C9orf85: variants seen among roughly 807,000 people sequenced by gnomAD.
C9orf85 encodes uncharacterized protein C9orf85.
Under a neutral mutation model 14.9 loss-of-function variants are expected in C9orf85, and 16 were observed. The ratio of observed to expected loss-of-function variants is 1.08; its 90% CI spans 0.73 to 1.63. C9orf85 has a LOEUF of 1.63. Ranked by LOEUF, C9orf85 falls within the 40% of genes most tolerant of loss-of-function variation. The probability of loss-of-function intolerance (pLI) is 0.00; values close to 1 mark genes in which losing one functional copy is unlikely to be tolerated. For synonymous variants in C9orf85, 45 were observed against 56.8 expected (o/e 0.79, Z 0.93); for missense variants, 172 against 186.1 (o/e 0.92, Z 0.44).
At position 71,968,798 on chromosome 9, in the gene C9orf85, C is replaced by T. The variant is rs182722180; in HGVS notation, c.210-2707C>T. ...GAGGGGAAGGGGTTCTTATCCCTGA[C>T]GCAGGTAGCCTCTACTGCTGTGTCG... On this transcript the variant is annotated intron_variant, in intron 2 of 3. Transcript: ENST00000334731. Among the ~76,000 whole-genome samples the T allele has an allele frequency of 1.6e-4, 24 of 152,232 alleles. No homozygotes were observed. The East Asian group carries it at 2.5e-3, about 16-fold the overall frequency.
At chr9:71,923,646 A>G (rs1827866727) in intron 1 of C9orf85, among the ~76,000 whole-genome samples, 2 of 152,074 alleles carry the variant, frequency 1.3e-5, no homozygotes, top group Admixed American at 1.3e-4. Flanking sequence ...TCCCTTGTCC[A>G]TCTTTCCCTC....
intron 1 of C9orf85, among the ~76,000 whole-genome samples, chr9:71,916,016 T>G (rs1827641011): frequency 6.6e-6 from 1 of 152,194 alleles, no homozygotes; most frequent in South Asian, 2.1e-4. Context: ...AGTATAGGGT[T>G]GAGCAAAATA....
At chr9:71,953,993 G>A (rs200759275) in intron 2 of C9orf85, among the ~76,000 whole-genome samples, 30 of 152,070 alleles carry the variant, frequency 2.0e-4, no homozygotes, top group East Asian at 7.7e-4. Context: ...CTAGCTGCTC[G>A]GGAGACTGAG....
chr9:71,926,636 A>G (rs1427282144), intron 1 of C9orf85, among the ~76,000 whole-genome samples: 5 of 860 alleles, frequency 5.8e-3, no homozygotes, highest in African/African-American at 6.0e-3. Context: ...CTGCTGTTGA[A>G]AAAAAAAAAA....
chr9:71,934,152 T>C (rs1828134049), intron 1 of C9orf85, among the ~76,000 whole-genome samples: 3 of 151,562 alleles, frequency 2.0e-5, no homozygotes, highest in African/African-American at 7.3e-5. Flanking sequence ...GAGACCAGCC[T>C]GGCCAACATG....
At chr9:71,925,504 A>C (rs1000000863) in intron 1 of C9orf85, among the ~76,000 whole-genome samples, 1 of 152,218 alleles carries the variant, frequency 6.6e-6, no homozygotes, top group Non-Finnish European at 1.5e-5. Flanking sequence ...AAACTGAAGA[A>C]GGTTCTGTCG....
intron 2 of C9orf85, among the ~76,000 whole-genome samples, chr9:71,965,870 G>A (rs1787925994): frequency 6.6e-6 from 1 of 152,246 alleles, no homozygotes; most frequent in Non-Finnish European, 1.5e-5. Flanking sequence ...TTGTTTGAGT[G>A]ATTGTTTCTG....
intron 1 of C9orf85, among the ~76,000 whole-genome samples, chr9:71,939,104 T>C (rs1828268375): frequency 6.6e-6 from 1 of 151,758 alleles, no homozygotes; most frequent in African/African-American, 2.4e-5. Flanking sequence ...AATATTTATA[T>C]GTAAAGACTC....
chr9:71,984,930 A>T (rs1181626308), downstream of C9orf85: 1 of 152,222 alleles, frequency 6.6e-6, no homozygotes, highest in Non-Finnish European at 1.5e-5. Context: ...TGCCTTTGGG[A>T]GGTGGCTGGA....
intron 1 of C9orf85, among the ~76,000 whole-genome samples, chr9:71,929,030 T>TA (rs1828001739): frequency 6.6e-6 from 1 of 152,206 alleles, no homozygotes; most frequent in Non-Finnish European, 1.5e-5. Flanking sequence ...AATTCATTGT[T>TA]ACCATAAATA....
At chr9:71,915,644 A>C (rs1252562956) in intron 1 of C9orf85, among the ~76,000 whole-genome samples, 1 of 152,256 alleles carries the variant, frequency 6.6e-6, no homozygotes, top group Non-Finnish European at 1.5e-5. Flanking sequence ...GGTACTGTAT[A>C]AAAGTGAAAG....
At chr9:71,962,144 C>T (rs183329813) in intron 2 of C9orf85, among the ~76,000 whole-genome samples, 140 of 152,170 alleles carry the variant, frequency 9.2e-4, no homozygotes, top group Middle Eastern at 3.4e-3. Context: ...CCAGCCTGGG[C>T]GACAGAGTGA....
intron 2 of C9orf85, among the ~76,000 whole-genome samples, chr9:71,963,643 C>T (rs1484984655): frequency 6.6e-6 from 1 of 152,326 alleles, no homozygotes; most frequent in Non-Finnish European, 1.5e-5. Flanking sequence ...ATTAGCTGGC[C>T]GGCCCTGCCG....
chr9:71,983,313 T>G (rs1018575573), downstream of C9orf85: 2 of 152,366 alleles, frequency 1.3e-5, no homozygotes, highest in African/African-American at 4.8e-5. Flanking sequence ...TCTTTTCATG[T>G]GTTTATTAGC....
intron 2 of C9orf85, among the ~76,000 whole-genome samples, chr9:71,957,882 C>A (rs1203615436): frequency 2.0e-5 from 3 of 152,036 alleles, no homozygotes; most frequent in Non-Finnish European, 4.4e-5. Flanking sequence ...TGTCTTAGAT[C>A]AATAAAATCC....
intron 1 of C9orf85, among the ~76,000 whole-genome samples, chr9:71,936,119 T>C (rs954754997): frequency 6.6e-6 from 1 of 152,062 alleles, no homozygotes; most frequent in African/African-American, 2.4e-5. Flanking sequence ...GAGGAACAGA[T>C]TGTATTGCTA....
chr9:71,917,624 T>A (rs554449220), intron 1 of C9orf85, among the ~76,000 whole-genome samples: 4 of 152,012 alleles, frequency 2.6e-5, no homozygotes, highest in East Asian at 1.9e-4. Context: ...TCTGCTATTT[T>A]AAAAAAAAGA....
chr9:71,939,184 A>G (rs1366041199), intron 1 of C9orf85, among the ~76,000 whole-genome samples: 1 of 151,840 alleles, frequency 6.6e-6, no homozygotes, highest in African/African-American at 2.4e-5. Context: ...CCAGTAAAAA[A>G]TAATATATAT....
intron 2 of C9orf85, among the ~76,000 whole-genome samples, chr9:71,952,702 G>C (rs1822281271): frequency 1.3e-5 from 2 of 152,130 alleles, no homozygotes; most frequent in South Asian, 4.1e-4. Flanking sequence ...CTTGTGGAAA[G>C]ATAATTGGAT....
Sources: allele counts gnomAD v4.1 joint callset (sites outside exome capture counted in the v4.1 genomes callset), GRCh38; gene constraint gnomAD v4.1.1; transcripts MANE v1.5; gene names NCBI Gene and HGNC (gene_info 2026-07-23, HGNC 2026-07-21).